The following DTNB variants were observed in gnomAD, a reference collection of about 807,000 sequenced individuals.
The protein encoded by DTNB is DTN-B.
DTNB carries 63 observed loss-of-function variants against 90.7 expected under a neutral mutation model. The observed-to-expected ratio is 0.69, with a 90% CI of 0.57 to 0.86. The LOEUF is 0.86. DTNB is among the 40% of genes least tolerant of loss of function. The pLI is 0.00. For synonymous variants in DTNB, 277 were observed against 286.7 expected (o/e 0.97, Z 0.34); for missense variants, 744 against 807.1 (o/e 0.92, Z 0.95).
chr2:25,399,081 T>TCG (rs1346202041), intron 16 of DTNB, among the ~76,000 whole-genome samples: 3 of 152,108 alleles, frequency 2.0e-5, no homozygotes, highest in Non-Finnish European at 4.4e-5. Flanking sequence ...AGACGGAATC[T>TCG]CTCTGTCACC....
At chr2:25,390,428 T>A (rs2040774433) in intron 16 of DTNB, among the ~76,000 whole-genome samples, 1 of 151,964 alleles carries the variant, frequency 6.6e-6, no homozygotes. Flanking sequence ...ACTTTTTCTT[T>A]TCTTTTTCTT....
intron 11 of DTNB, 82 bp downstream of exon 11, chr2:25,455,323 T>C: frequency 1.5e-6 from 2 of 1,339,132 alleles, no homozygotes; most frequent in East Asian, 2.7e-5. Context: ...CAGTTTTTTT[T>C]CCAGCTGACA....
At chr2:25,528,027 C>G (rs911227105) in intron 9 of DTNB, among the ~76,000 whole-genome samples, 5 of 152,106 alleles carry the variant, frequency 3.3e-5, no homozygotes, top group Non-Finnish European at 7.4e-5. Context: ...CAAACAAAAC[C>G]TAGCAGTGTA....
intron 1 of DTNB, among the ~76,000 whole-genome samples, chr2:25,667,681 A>G (rs1269297686): frequency 3.3e-5 from 5 of 152,222 alleles, no homozygotes; most frequent in Admixed American, 6.5e-5. Flanking sequence ...AATGCAAATG[A>G]TACAGTCACT....
chr2:25,504,583 AAAG>A (rs1208526044), intron 9 of DTNB, among the ~76,000 whole-genome samples: 7 of 151,556 alleles, frequency 4.6e-5, no homozygotes, highest in Admixed American at 3.9e-4. Flanking sequence ...AAAGAAAAGA[AAAG>A]AAAGAGAAAG....
Position 25,387,476 on chromosome 2 carries a change from G to C in DTNB, c.1736-98C>G, listed in dbSNP as rs1340498885. 2.6e-6 allele frequency: 3 copies of C among 1,149,798 alleles called. No individual in the cohort carries two copies. The highest frequency in any genetic ancestry group is 2.1e-4 in the Middle Eastern group (1 of 4,722). The allele number at this position is 1,149,798 out of a possible 1,614,324, so 71.2% of individuals were successfully genotyped here. On this transcript the variant is annotated intron_variant, in intron 17 of 20. Coordinates refer to ENST00000406818, the MANE Select transcript of DTNB (RefSeq NM_021907.5). The surrounding 1 kb of genome is among the most constrained non-coding windows in gnomAD (Gnocchi z 4.5). ...CAGTTCTGCCAGGCCCGAGAACACA[G>C]GTGTGGAACACCTAAGGGGAGATGG...
At chr2:25,604,748 C>A (rs907744662) in intron 5 of DTNB, among the ~76,000 whole-genome samples, 1 of 152,162 alleles carries the variant, frequency 6.6e-6, no homozygotes, top group African/African-American at 2.4e-5. Context: ...TGCCACCATG[C>A]CCAGCTAATT....
chr2:25,613,620 T>C (rs1370320571), intron 4 of DTNB, among the ~76,000 whole-genome samples: 2 of 151,146 alleles, frequency 1.3e-5, no homozygotes, highest in Admixed American at 1.3e-4. Flanking sequence ...TGAACATAGT[T>C]ACAAAAATCT....
At chr2:25,456,873 C>T (rs2060122696) in intron 10 of DTNB, among the ~76,000 whole-genome samples, 1 of 151,536 alleles carries the variant, frequency 6.6e-6, no homozygotes, top group South Asian at 2.1e-4. Flanking sequence ...CGGCCCCAGT[C>T]ACCTTTCTGA....
At chr2:25,429,227 TATC>T in intron 14 of DTNB, among the ~76,000 whole-genome samples, 1 of 152,322 alleles carries the variant, frequency 6.6e-6, no homozygotes, top group Non-Finnish European at 1.5e-5. Flanking sequence ...ATTTTGAAAA[TATC>T]AGGTTAAGTA....
chr2:25,387,960 A>G lies in DTNB; in HGVS notation c.1735+242T>C, dbSNP rs2039981792. 6.6e-6 allele frequency among the ~76,000 whole-genome samples: 1 copy of G among 152,244 alleles called. No individual in the cohort carries two copies. The highest frequency in any genetic ancestry group is 1.5e-5 in the Non-Finnish European group (1 of 68,040). On this transcript the variant is annotated intron_variant, in intron 17 of 20. Transcript: ENST00000406818. The surrounding 1 kb of genome is among the most constrained non-coding windows in gnomAD (Gnocchi z 4.5). ...ACAAAGCACTTCCAATAATCCAGAA[A>G]AAAGGGCAGAGAACCCCAGGAGGCC...
chr2:25,633,470 A>G (rs937890515), intron 3 of DTNB, among the ~76,000 whole-genome samples: 5 of 152,006 alleles, frequency 3.3e-5, no homozygotes, highest in Non-Finnish European at 7.4e-5. Flanking sequence ...TCAGCGCTCA[A>G]TGGTGCCCAG....
rs1288435342 is a variant in DTNB, at chr2:25,628,230, T to C, written c.303A>G (p.Gln101=). 6.2e-7 allele frequency: 1 copy of C among 1,613,462 alleles called. No individual in the cohort carries two copies. Reference sequence around the variant, plus strand: ...GGCTGATAGATTGTTCCACACTAATTTGGTGAGTAGAAGGAAGGCGCTTGT... The same window carrying C: ...GGCTGATAGATTGTTCCACACTAATCTGGTGAGTAGAAGGAAGGCGCTTGT... The part of the protein sequence containing the change: ...QLNKRLPSTH[Q]ISVEQSISLL... The change falls in exon 4 of 21, where the codon CAA becomes CAG. Residue 101 remains glutamine (Q), a synonymous_variant. Transcript: ENST00000406818.
At chr2:25,547,754 G>C (rs1328308871) in intron 8 of DTNB, among the ~76,000 whole-genome samples, 7 of 152,158 alleles carry the variant, frequency 4.6e-5, no homozygotes, top group Admixed American at 4.6e-4. Context: ...GTTTCTTGAA[G>C]TTTTGAAAGA....
chr2:25,560,562 C>T (rs1403479766), intron 8 of DTNB, among the ~76,000 whole-genome samples: 1 of 151,336 alleles, frequency 6.6e-6, no homozygotes, highest in Non-Finnish European at 1.5e-5. Flanking sequence ...CTGGAACTAC[C>T]CACCATTGGT....
At chr2:25,466,468 A>G (rs370742197) in intron 10 of DTNB, among the ~76,000 whole-genome samples, 224 of 152,364 alleles carry the variant, frequency 1.5e-3, no homozygotes, top group African/African-American at 4.6e-3. Context: ...TCTCTGCCAC[A>G]CCAAGCTTAA....
chr2:25,631,890 A>G (rs1342973454), intron 3 of DTNB, among the ~76,000 whole-genome samples: 1 of 152,178 alleles, frequency 6.6e-6, no homozygotes, highest in Non-Finnish European at 1.5e-5. Flanking sequence ...GCAAAGATAC[A>G]TATAAAAATT....
At chr2:25,422,307 C>G (rs2049978177) in intron 15 of DTNB, among the ~76,000 whole-genome samples, 1 of 151,634 alleles carries the variant, frequency 6.6e-6, no homozygotes, top group Non-Finnish European at 1.5e-5. Context: ...AAAATTTACA[C>G]TCAAACTAGA....
chr2:25,475,797 T>C (rs1388839284), intron 10 of DTNB, among the ~76,000 whole-genome samples: 5 of 152,222 alleles, frequency 3.3e-5, no homozygotes, highest in Non-Finnish European at 7.3e-5. Context: ...TTCAGAATTA[T>C]GCTAAATTTA....
Sources: gnomAD v4.1 joint callset for allele counts (sites outside exome capture counted in the v4.1 genomes callset) on GRCh38, gnomAD v4.1.1 for gene constraint, Gnocchi (gnomAD v3.1) non-coding constraint, MANE v1.5 for transcripts, NCBI Gene and HGNC (gene_info 2026-07-23, HGNC 2026-07-21) for gene names.